FBXL5: variants seen among roughly 807,000 people sequenced by gnomAD.
FBXL5 encodes the protein F-box/LRR-repeat protein 5.
Under a neutral mutation model 78.3 loss-of-function variants are expected in FBXL5, and 26 were observed. The observed-to-expected ratio is 0.33, with a 90% CI of 0.24 to 0.46. The LOEUF (loss-of-function observed/expected upper bound fraction) is 0.46. FBXL5 is among the 20% of genes least tolerant of loss of function. The probability of loss-of-function intolerance (pLI) is 1.00; values close to 1 mark genes in which losing one functional copy is unlikely to be tolerated. For synonymous variants in FBXL5, 295 were observed against 282.5 expected (o/e 1.04, Z -0.45); for missense variants, 710 against 829.2 (o/e 0.86, Z 1.77).
At chr4:15,645,989 G>A (rs1316708008) in intron 1 of FBXL5, among the ~76,000 whole-genome samples, 2 of 152,096 alleles carry the variant, frequency 1.3e-5, no homozygotes, top group Non-Finnish European at 2.9e-5. Flanking sequence ...TTCCATTTCA[G>A]TGAAGGTAAA....
intron 10 of FBXL5, among the ~76,000 whole-genome samples, chr4:15,609,719 T>C (rs1020355942): frequency 8.5e-5 from 13 of 152,050 alleles, no homozygotes; most frequent in African/African-American, 3.1e-4. Flanking sequence ...TTTTCAAATC[T>C]TATCAAATAA....
chr4:15,671,367 T>A (rs958314167), intron 1 of FBXL5, among the ~76,000 whole-genome samples: 1 of 152,188 alleles, frequency 6.6e-6, no homozygotes, highest in Non-Finnish European at 1.5e-5. Flanking sequence ...AAACAGTACC[T>A]TTTTGCCCCT....
chr4:15,655,595 G>A (rs1716834887), upstream of FBXL5, among the ~76,000 whole-genome samples: 10 of 152,194 alleles, frequency 6.6e-5, no homozygotes, highest in Admixed American at 6.5e-4. Flanking sequence ...TTCACTACAT[G>A]AAAGCACAGT....
At chr4:15,621,133 TG>T (rs1448021945) in intron 9 of FBXL5, among the ~76,000 whole-genome samples, 1 of 152,224 alleles carries the variant, frequency 6.6e-6, no homozygotes, top group Non-Finnish European at 1.5e-5. Context: ...CCGACCGAGC[TG>T]GTCTCGGCAG....
chr4:15,613,273 T>C (rs942744209), intron 9 of FBXL5, among the ~76,000 whole-genome samples: 6 of 152,210 alleles, frequency 3.9e-5, no homozygotes, highest in African/African-American at 1.2e-4. Context: ...CTGTGGTGGA[T>C]GGTTGAACAA....
In FBXL5 at chr4:15,625,972, G is replaced by T. The variant is rs1713011281; in HGVS notation, c.1130C>A (p.Ser377Tyr). The T allele has an allele frequency of 1.3e-6, 2 of 1,563,650 alleles. No homozygotes were observed. Among genetic ancestry groups the T allele is most frequent in the Non-Finnish European group, 1.7e-6 (2 of 1,161,056 alleles). The change falls in exon 9 of 11, where the codon TCT becomes TAT. Residue 377 changes from serine (S) to tyrosine (Y), a missense_variant. Physicochemically the swap from Ser to Tyr is moderately radical, Grantham distance 144. Coordinates refer to ENST00000341285, the MANE Select transcript of FBXL5 (RefSeq NM_012161.4). ...DISDSAFDSWSWLGCCQSLRH... is the reference protein window; with the variant it reads ...DISDSAFDSWYWLGCCQSLRH... ...AAGACTCTGGCAGCAACCAAGCCAA[G>T]ACCAACTATAATTAAAAGACAAGAC...
upstream of FBXL5, among the ~76,000 whole-genome samples, chr4:15,660,527 G>C (rs996901461): frequency 1.3e-5 from 2 of 152,138 alleles, no homozygotes; most frequent in Non-Finnish European, 2.9e-5. Context: ...CCAATAGCCT[G>C]GCTAATACAC....
At chr4:15,648,930 T>C (rs183751935) in intron 1 of FBXL5, among the ~76,000 whole-genome samples, 197 of 152,312 alleles carry the variant, frequency 1.3e-3, no homozygotes, top group African/African-American at 3.6e-3. Context: ...TGGTAATCAT[T>C]ATACAATGTA....
At chr4:15,619,458 G>GT (rs1331399191) in intron 9 of FBXL5, among the ~76,000 whole-genome samples, 1 of 151,934 alleles carries the variant, frequency 6.6e-6, no homozygotes, top group Non-Finnish European at 1.5e-5. Flanking sequence ...AGAAAAAAAC[G>GT]TGACAAAACC....
chr4:15,613,457 G>A (rs1168194173), intron 9 of FBXL5, among the ~76,000 whole-genome samples: 3 of 152,024 alleles, frequency 2.0e-5, no homozygotes, highest in Admixed American at 2.0e-4. Flanking sequence ...CCTTGTATTT[G>A]GATGTTTAAA....
At chr4:15,638,285 A>G (rs1056678098) in intron 4 of FBXL5, among the ~76,000 whole-genome samples, 4 of 152,198 alleles carry the variant, frequency 2.6e-5, no homozygotes, top group Admixed American at 2.6e-4. Flanking sequence ...GAAACACTAC[A>G]CTGAATATGT....
At chr4:15,614,934 C>A (rs920974280) in intron 9 of FBXL5, among the ~76,000 whole-genome samples, 4 of 152,110 alleles carry the variant, frequency 2.6e-5, no homozygotes, top group Non-Finnish European at 5.9e-5. Flanking sequence ...AAGTGGGAAC[C>A]GGGGCTGCGT....
In FBXL5 at chr4:15,650,508, A is replaced by G. The variant is rs551644370; in HGVS notation, c.84+4696T>C. On this transcript the variant is annotated intron_variant, in intron 1 of 10. Coordinates refer to ENST00000341285, the MANE Select transcript of FBXL5 (RefSeq NM_012161.4). Reference sequence around the variant, plus strand: ...CACATTTTGAAGAGCACTCTTCTACAGTAAAATATAAAGGTTCCTAGTGAC... The same window carrying G: ...CACATTTTGAAGAGCACTCTTCTACGGTAAAATATAAAGGTTCCTAGTGAC... 2.6e-5 allele frequency among the ~76,000 whole-genome samples: 4 copies of G among 152,306 alleles called. No individual in the cohort carries two copies. The East Asian group carries it at 7.7e-4, about 29-fold the overall frequency.
intron 8 of FBXL5, among the ~76,000 whole-genome samples, chr4:15,626,468 G>A (rs1345036742): frequency 1.3e-5 from 2 of 152,200 alleles, no homozygotes; most frequent in African/African-American, 4.8e-5. Context: ...TGGTGGTCAA[G>A]GAGATATACT....
intron 9 of FBXL5, among the ~76,000 whole-genome samples, chr4:15,620,802 C>G (rs1471972241): frequency 6.6e-6 from 1 of 152,246 alleles, no homozygotes; most frequent in Admixed American, 6.5e-5. Flanking sequence ...GGGCGGAAAA[C>G]CACTTAAAGG....
chr4:15,632,224 A>T (rs1042705230), intron 5 of FBXL5, among the ~76,000 whole-genome samples: 2 of 152,074 alleles, frequency 1.3e-5, no homozygotes, highest in African/African-American at 4.8e-5. Context: ...AGATGGTTGT[A>T]GATGTGTGGT....
intron 10 of FBXL5, among the ~76,000 whole-genome samples, chr4:15,607,149 CT>C (rs530538830): frequency 3.9e-4 from 59 of 152,184 alleles, no homozygotes; most frequent in Non-Finnish European, 6.9e-4. Context: ...GATATGACAC[CT>C]GTGATTAGCT....
chr4:15,653,895 G>A (rs1367201297), intron 1 of FBXL5, among the ~76,000 whole-genome samples: 2 of 152,168 alleles, frequency 1.3e-5, no homozygotes, highest in African/African-American at 2.4e-5. Context: ...TAGTGACCTA[G>A]ACATCAGGAC....
chr4:15,614,935 G>T (rs893267962), intron 9 of FBXL5, among the ~76,000 whole-genome samples: 6 of 152,146 alleles, frequency 3.9e-5, no homozygotes, highest in Non-Finnish European at 8.8e-5. Flanking sequence ...AGTGGGAACC[G>T]GGGCTGCGTG....
Sources: allele counts gnomAD v4.1 joint callset (sites outside exome capture counted in the v4.1 genomes callset), GRCh38; gene constraint gnomAD v4.1.1; transcripts MANE v1.5; gene names NCBI Gene and HGNC (gene_info 2026-07-23, HGNC 2026-07-21).